RPL27A: variants seen among roughly 807,000 people sequenced by gnomAD.
RPL27A encodes ribosomal protein L27a.
For synonymous variants in RPL27A, 69 were observed against 68.3 expected (o/e 1.01, Z -0.05); for missense variants, 118 against 189.4 (o/e 0.62, Z 2.21).
At position 8,682,899 on chromosome 11, in the gene RPL27A, C is replaced by T. The variant is rs570930820; in HGVS notation, c.3+83C>T. On this transcript the variant is annotated intron_variant, in intron 1 of 4. Transcript: ENST00000314138. ...TCCCATTGCCCCTAGTCATCCACTC[C>T]CTACCATGGTCGGGGCTTCCAGGCT... 11 of 1,496,988 alleles carry T rather than the reference C, an allele frequency of 7.3e-6. No homozygotes were observed. In the Admixed American group the frequency reaches 1.7e-4, roughly 23 times the overall value. 92.7% of individuals were successfully genotyped at this position (1,496,988 alleles called of 1,614,324 possible).
chr11:8,683,252 C>T lies in RPL27A; in HGVS notation c.54C>T (p.Gly18=), dbSNP rs768353099. 3.1e-6 allele frequency: 5 copies of T among 1,614,202 alleles called. No homozygotes were observed. The highest frequency in any genetic ancestry group is 4.2e-6 in the Non-Finnish European group (5 of 1,179,990). ...TRKLRGHVSH[G]HGRIGKHRKH... Reference sequence around the variant, plus strand: ...AACTTAGGGGCCACGTGAGCCACGGCCACGGCCGCATAGGTAAGTGCCGGC... The same window carrying T: ...AACTTAGGGGCCACGTGAGCCACGGTCACGGCCGCATAGGTAAGTGCCGGC... Residue 18 remains glycine (G), a synonymous_variant, in exon 2 of 5, where the codon GGC becomes GGT. Coordinates refer to ENST00000314138, the MANE Select transcript of RPL27A (RefSeq NM_000990.5).
rs2039604480 is a variant in RPL27A, at chr11:8,688,165, G to A, written c.*2359G>A. The A allele has an allele frequency of 6.6e-6, 1 of 152,278 alleles. No homozygotes were observed. Among genetic ancestry groups the A allele is most frequent in the Admixed American group, 6.5e-5 (1 of 15,272 alleles). 9.4% of individuals were successfully genotyped at this position (152,278 alleles called of 1,614,324 possible). On this transcript the variant is annotated 3_prime_UTR_variant, in exon 5 of 5. Coordinates refer to ENST00000314138, the MANE Select transcript of RPL27A (RefSeq NM_000990.5). ...GGCTGAAGGCAGAACCAAGAAAATGGGAGTGAGTATGGAAAAGGTACGATT... is the reference window on the plus strand; with the variant it reads ...GGCTGAAGGCAGAACCAAGAAAATGAGAGTGAGTATGGAAAAGGTACGATT...
intron 2 of RPL27A, 153 bp downstream of exon 2, chr11:8,683,418 C>T (rs2073684): frequency 0.35 from 225,132 of 651,962 alleles, 42,764 homozygotes; most frequent in Non-Finnish European, 0.41. Context: ...CTCTAGTATT[C>T]CAGTTCTAAG....
Position 8,686,597 on chromosome 11 carries a change from G to C in RPL27A, c.*791G>C, listed in dbSNP as rs1297072670. ...TGTGATGAATCAAAATCTCGAGATGGGGGTCCAGCAATCTGAAATTTCAGT... is the reference window on the plus strand; with the variant it reads ...TGTGATGAATCAAAATCTCGAGATGCGGGTCCAGCAATCTGAAATTTCAGT... On this transcript the variant is annotated 3_prime_UTR_variant, in exon 5 of 5. Transcript: ENST00000314138. 1 of 152,158 alleles carries C rather than the reference G, an allele frequency of 6.6e-6. No homozygotes were observed. The highest frequency in any genetic ancestry group is 2.4e-5 in the African/African-American group (1 of 41,414). 9.4% of individuals were successfully genotyped at this position (152,158 alleles called of 1,614,324 possible). A position where few individuals can be genotyped will look rare whatever the true frequency, so the allele number is the denominator to read the frequency against.
At chr11:8,684,557 G>A in intron 3 of RPL27A, 161 bp from the exon 4 acceptor site, 2 of 693,618 alleles carry the variant, frequency 2.9e-6, no homozygotes, top group Non-Finnish European at 5.0e-6. Flanking sequence ...GTCTTTGGTG[G>A]TTTTTAAAAC....
chr11:8,684,441 A>T (rs981029089), intron 3 of RPL27A: 16 of 713,500 alleles, frequency 2.2e-5, no homozygotes, highest in South Asian at 1.8e-4. Context: ...TAGATTTTCC[A>T]TAGAGTGCTG....
rs757576894 is a variant in RPL27A at position 8,684,367 on chromosome 11, C to T, written c.143+286C>T. 12 of 726,084 alleles carry T rather than the reference C, an allele frequency of 1.7e-5. No homozygotes were observed. In the African/African-American group the frequency reaches 1.7e-4, roughly 10 times the overall value. 45.0% of individuals were successfully genotyped at this position (726,084 alleles called of 1,614,324 possible). ...AGGTTAGAGACATGCTTCACATTCA[C>T]CTACCCACAAACTAGTGGATGATAA... On this transcript the variant is annotated intron_variant, in intron 3 of 4. Transcript: ENST00000314138.
rs757832886 is a variant in RPL27A, at chr11:8,682,827, C to A, written c.3+11C>A. On this transcript the variant is annotated intron_variant, in intron 1 of 4. Transcript: ENST00000314138. ...TGGGCTGCCAACATGGTAGGTGTTT[C>A]GTTTCTTGCCTCCTCTTCCTTGCCG... The A allele has an allele frequency of 6.2e-7, 1 of 1,611,458 alleles. No individual in the cohort carries two copies. The highest frequency in any genetic ancestry group is 1.1e-5 in the South Asian group (1 of 90,862).
rs914942283 is a variant in RPL27A at position 8,686,689 on chromosome 11, T to C, written c.*883T>C. 4 of 152,212 alleles carry C rather than the reference T, an allele frequency of 2.6e-5. No individual in the cohort carries two copies. The highest frequency in any genetic ancestry group is 9.7e-5 in the African/African-American group (4 of 41,444). 9.4% of individuals were successfully genotyped at this position (152,212 alleles called of 1,614,324 possible). On this transcript the variant is annotated 3_prime_UTR_variant, in exon 5 of 5. Transcript: ENST00000314138. ...TTAATTTTTCTTCTAGTCTGAAATG[T>C]ATCGGGAAAATTTGGAAATCCTGAA...
chr11:8,686,571 A>G lies in RPL27A; in HGVS notation c.*765A>G, dbSNP rs2039588272. On this transcript the variant is annotated 3_prime_UTR_variant, in exon 5 of 5. Coordinates refer to ENST00000314138, the MANE Select transcript of RPL27A (RefSeq NM_000990.5). ...GATCCAAATTATTGTTACATCCAGA[A>G]TGTGATGAATCAAAATCTCGAGATG... 6.6e-6 allele frequency: 1 copy of G among 152,202 alleles called. No homozygotes were observed. The allele number at this position is 152,202 out of a possible 1,614,324, so 9.4% of individuals were successfully genotyped here. A position where few individuals can be genotyped will look rare whatever the true frequency, so the allele number is the denominator to read the frequency against.
rs1216083729 is a variant in RPL27A, at chr11:8,688,479, C to T, written c.*2673C>T. ...GTTTTGAGCCCTAAGTCCGCCGATTCCAGTGCTTTCTTGAACCCGCATTTA... is the reference window on the plus strand; with the variant it reads ...GTTTTGAGCCCTAAGTCCGCCGATTTCAGTGCTTTCTTGAACCCGCATTTA... On this transcript the variant is annotated 3_prime_UTR_variant, in exon 5 of 5. Transcript: ENST00000314138. 1 of 152,188 alleles carries T rather than the reference C, an allele frequency of 6.6e-6. No individual in the cohort carries two copies. The highest frequency in any genetic ancestry group is 1.5e-5 in the Non-Finnish European group (1 of 68,030). The allele number at this position is 152,188 out of a possible 1,614,324, so 9.4% of individuals were successfully genotyped here.
At chr11:8,685,133 G>C (rs2039574170) in intron 4 of RPL27A, 1 of 562,306 alleles carries the variant, frequency 1.8e-6, no homozygotes, top group Non-Finnish European at 3.2e-6. Context: ...CACAGCTCTT[G>C]GCCCTTCATG....
At chr11:8,685,610 T>G (rs755979529) in intron 4 of RPL27A, 68 bp from the exon 5 acceptor site, 1 of 1,574,816 alleles carries the variant, frequency 6.3e-7, no homozygotes, top group South Asian at 1.1e-5. Context: ...TGGCAGTCTT[T>G]CCTCACGCCC....
intron 2 of RPL27A, chr11:8,683,759 C>G: frequency 1.8e-6 from 1 of 541,348 alleles, no homozygotes. Flanking sequence ...CTCACTGCAA[C>G]CCCTGCCTGC....
rs773463481 is a variant in RPL27A at position 8,683,273 on chromosome 11, C to T, written c.67+8C>T. On this transcript the variant is annotated splice_region_variant and intron_variant, in intron 2 of 4. Transcript: ENST00000314138. Reference sequence around the variant, plus strand: ...ACGGCCACGGCCGCATAGGTAAGTGCCGGCTTCCCCTCGGGGTGGGCCTTG... The same window carrying T: ...ACGGCCACGGCCGCATAGGTAAGTGTCGGCTTCCCCTCGGGGTGGGCCTTG... 4 of 1,613,622 alleles carry T rather than the reference C, an allele frequency of 2.5e-6. No homozygotes were observed. The highest frequency in any genetic ancestry group is 2.7e-5 in the African/African-American group (2 of 74,948).
chr11:8,688,721 G>C lies in RPL27A; in HGVS notation c.*2915G>C, dbSNP rs1224056582. 1 of 152,386 alleles carries C rather than the reference G, an allele frequency of 6.6e-6. No homozygotes were observed. The highest frequency in any genetic ancestry group is 1.5e-5 in the Non-Finnish European group (1 of 68,044). 9.4% of individuals were successfully genotyped at this position (152,386 alleles called of 1,614,324 possible). A position where few individuals can be genotyped will look rare whatever the true frequency, so the allele number is the denominator to read the frequency against. On this transcript the variant is annotated 3_prime_UTR_variant, in exon 5 of 5. Coordinates refer to ENST00000314138, the MANE Select transcript of RPL27A (RefSeq NM_000990.5). Reference sequence around the variant, plus strand: ...GGCTGCCACATAATTTGCACAAGCAGTGCTCGTCAAGGGCAGCTAAATCAG... The same window carrying C: ...GGCTGCCACATAATTTGCACAAGCACTGCTCGTCAAGGGCAGCTAAATCAG...
intron 2 of RPL27A, 153 bp from the exon 3 acceptor site, chr11:8,683,853 C>G (rs748366331): frequency 1.7e-5 from 12 of 687,984 alleles, no homozygotes; most frequent in Non-Finnish European, 2.9e-5. Context: ...AATTCTTTTT[C>G]TATTTTTAGT....
rs1026887446 is a variant in RPL27A, at chr11:8,687,699, G to A, written c.*1893G>A. 2.0e-5 allele frequency: 3 copies of A among 152,112 alleles called. No individual in the cohort carries two copies. Among genetic ancestry groups the A allele is most frequent in the Admixed American group, 6.6e-5 (1 of 15,262 alleles). The allele number at this position is 152,112 out of a possible 1,614,324, so 9.4% of individuals were successfully genotyped here. A position where few individuals can be genotyped will look rare whatever the true frequency, so the allele number is the denominator to read the frequency against. ...GCTGGAGTGCAGTGGTGCGATCTCA[G>A]ATCACTGCAAGCTCCGCCTCCTAGG... On this transcript the variant is annotated 3_prime_UTR_variant, in exon 5 of 5. Coordinates refer to ENST00000314138, the MANE Select transcript of RPL27A (RefSeq NM_000990.5).
rs893559228 is a variant in RPL27A at position 8,685,947 on chromosome 11, C to T, written c.*141C>T. On this transcript the variant is annotated 3_prime_UTR_variant, in exon 5 of 5. Transcript: ENST00000314138. ...TTAGGGTATGAAGACATGGGGTCCTCTCCTGACTTCCCTCAAATATATGGT... is the reference window on the plus strand; with the variant it reads ...TTAGGGTATGAAGACATGGGGTCCTTTCCTGACTTCCCTCAAATATATGGT... The T allele has an allele frequency of 7.1e-6, 5 of 703,582 alleles. No homozygotes were observed. The African/African-American group carries it at 8.9e-5, about 13-fold the overall frequency. 43.6% of individuals were successfully genotyped at this position (703,582 alleles called of 1,614,324 possible).
Sources: allele counts gnomAD v4.1 joint callset, GRCh38; gene constraint gnomAD v4.1.1; transcripts MANE v1.5; gene names NCBI Gene and HGNC (gene_info 2026-07-23, HGNC 2026-07-21).